The following ANKFN1 variants were observed in gnomAD, a reference collection of about 807,000 sequenced individuals.
ANKFN1 encodes the protein ankyrin repeat and fibronectin type III domain containing 1, also known as ankyrin repeat and fibronectin type-III domain-containing protein 1.
A neutral mutation model predicts 108.7 loss-of-function variants in ANKFN1; 74 were observed. The ratio of observed to expected loss-of-function variants is 0.68; its 90% CI spans 0.56 to 0.83. ANKFN1 has a LOEUF of 0.83. ANKFN1 is among the 40% of genes least tolerant of loss of function. The probability of loss-of-function intolerance (pLI) is 0.00; values close to 1 mark genes in which losing one functional copy is unlikely to be tolerated. For missense variants in ANKFN1, 1,505 were observed against 1,382.3 expected, an observed-to-expected ratio of 1.09 and a Z score of -1.41; for synonymous variants, 547 against 516.2, an observed-to-expected ratio of 1.06 and a Z score of -0.81.
intron 3 of ANKFN1, among the ~76,000 whole-genome samples, chr17:56,311,670 G>T (rs565867381): frequency 1.1e-4 from 17 of 152,128 alleles, no homozygotes; most frequent in Non-Finnish European, 2.4e-4. Context: ...GCCTTCTGTT[G>T]GTTCAGTGTA....
At chr17:56,392,636 T>C (rs1480933695) in intron 8 of ANKFN1, among the ~76,000 whole-genome samples, 1 of 152,150 alleles carries the variant, frequency 6.6e-6, no homozygotes, top group Admixed American at 6.5e-5. Context: ...CTCCTAATCT[T>C]CTCCAAATAT....
intron 4 of ANKFN1, among the ~76,000 whole-genome samples, chr17:56,123,890 C>T (rs1304731437): frequency 6.7e-6 from 1 of 149,476 alleles, no homozygotes; most frequent in Non-Finnish European, 1.5e-5. Context: ...TGCAAGTCTA[C>T]ATGAATTATG....
At chr17:56,480,610 C>T in intron 16 of ANKFN1, 58 bp from the exon 17 acceptor site, 1 of 1,569,476 alleles carries the variant, frequency 6.4e-7, no homozygotes. Context: ...TAAGAAAGTT[C>T]TGAGCTGTGT....
intron 8 of ANKFN1, among the ~76,000 whole-genome samples, chr17:56,380,692 C>A (rs181394986): frequency 1.3e-5 from 2 of 152,370 alleles, no homozygotes; most frequent in East Asian, 3.9e-4. Flanking sequence ...GCTAGCACAG[C>A]AGTCTGAGAT....
chr17:56,392,377 T>C lies in ANKFN1; in HGVS notation c.910+17663T>C, dbSNP rs76179239. Among the ~76,000 whole-genome samples the C allele has an allele frequency of 1.3e-3, 200 of 152,328 alleles. 2 individuals carry two copies. In the East Asian group the frequency reaches 0.021, roughly 16 times the overall value. On this transcript the variant is annotated intron_variant, in intron 8 of 20. Coordinates refer to ENST00000682825, the MANE Select transcript of ANKFN1 (RefSeq NM_001370326.1). The stretch of plus-strand genomic sequence containing the variant: ...GCCTAAGGAGGTATCCTGTTCACGA[T>C]GGCAAGCCAGTCATTTAGCCCCATC...
intron 4 of ANKFN1, among the ~76,000 whole-genome samples, chr17:56,105,729 G>GTGTGTA: frequency 6.6e-6 from 1 of 151,504 alleles, no homozygotes; most frequent in Non-Finnish European, 1.5e-5. Context: ...GTGTGTGTGT[G>GTGTGTA]TGTGTGTGTG....
chr17:56,216,588 C>T (rs1428171543), intron 2 of ANKFN1, among the ~76,000 whole-genome samples: 1 of 152,204 alleles, frequency 6.6e-6, no homozygotes, highest in Non-Finnish European at 1.5e-5. Flanking sequence ...AATCAAAGAC[C>T]TTTCTAAATG....
intron 3 of ANKFN1, among the ~76,000 whole-genome samples, chr17:56,286,245 T>C (rs2144276631): frequency 6.6e-6 from 1 of 152,338 alleles, no homozygotes; most frequent in African/African-American, 2.4e-5. Flanking sequence ...TCCTGGAGTC[T>C]ATCTGACCCT....
intron 8 of ANKFN1, among the ~76,000 whole-genome samples, chr17:56,380,387 T>C (rs1379590665): frequency 6.6e-6 from 1 of 152,204 alleles, no homozygotes; most frequent in East Asian, 1.9e-4. Flanking sequence ...TGCATTTCCA[T>C]CTGAGGTACC....
At chr17:56,383,662 C>G (rs1389169420) in intron 8 of ANKFN1, among the ~76,000 whole-genome samples, 1 of 152,178 alleles carries the variant, frequency 6.6e-6, no homozygotes, top group African/African-American at 2.4e-5. Flanking sequence ...CCACCGATCC[C>G]ACAGAAATAC....
intron 6 of ANKFN1, among the ~76,000 whole-genome samples, chr17:56,359,326 T>C (rs1291053667): frequency 6.6e-6 from 1 of 152,218 alleles, no homozygotes; most frequent in Non-Finnish European, 1.5e-5. Context: ...TTGTTAATAA[T>C]GCTGTTATTG....
At position 56,504,133 on chromosome 17, in the gene ANKFN1, C is replaced by T. The variant is rs2051474539; in HGVS notation, c.2644+5035C>T. Among the ~76,000 whole-genome samples the T allele has an allele frequency of 2.0e-5, 3 of 152,242 alleles. No homozygotes were observed. In the South Asian group the frequency reaches 6.2e-4, roughly 31 times the overall value. On this transcript the variant is annotated intron_variant, in intron 20 of 20. Coordinates refer to ENST00000682825, the MANE Select transcript of ANKFN1 (RefSeq NM_001370326.1). ...ATCCCACTCTAAGCAATAGGTTCCA[C>T]TAAGTCTTCTAATAAATAATACAAT...
chr17:56,218,387 A>G (rs1050529202), intron 2 of ANKFN1, among the ~76,000 whole-genome samples: 2 of 152,144 alleles, frequency 1.3e-5, no homozygotes, highest in Non-Finnish European at 2.9e-5. Context: ...GAAATTTTAA[A>G]TACATTTCTT....
At chr17:56,210,061 C>CATAGATACATAGATAG (rs1914859604) in intron 1 of ANKFN1, among the ~76,000 whole-genome samples, 1 of 148,002 alleles carries the variant, frequency 6.8e-6, no homozygotes, top group Admixed American at 6.8e-5. Context: ...TAGATAGATA[C>CATAGATACATAGATAG]ATAGATAGAT....
At chr17:56,167,441 T>C (rs1910259003) in intron 1 of ANKFN1, among the ~76,000 whole-genome samples, 1 of 151,834 alleles carries the variant, frequency 6.6e-6, no homozygotes, top group Non-Finnish European at 1.5e-5. Context: ...AATCCAATTG[T>C]ATGCCAAGGA....
rs140688402 is a variant in ANKFN1, at chr17:56,255,416, C to A, written c.53+27459C>A. Among the ~76,000 whole-genome samples, 285 of 152,228 alleles carry A rather than the reference C, an allele frequency of 1.9e-3. 3 individuals are homozygous for A. The highest frequency in any genetic ancestry group is 6.6e-3 in the African/African-American group (273 of 41,530). ...ATCCCCTAACCACAGAGGTTTGCCCCCACAAAAGACAATCATTACTCTCTT... is the reference window on the plus strand; with the variant it reads ...ATCCCCTAACCACAGAGGTTTGCCCACACAAAAGACAATCATTACTCTCTT... On this transcript the variant is annotated intron_variant, in intron 3 of 20. Coordinates refer to ENST00000682825, the MANE Select transcript of ANKFN1 (RefSeq NM_001370326.1).
intron 3 of ANKFN1, among the ~76,000 whole-genome samples, chr17:56,247,678 T>A (rs906934451): frequency 2.6e-5 from 4 of 152,170 alleles, no homozygotes; most frequent in African/African-American, 7.2e-5. Flanking sequence ...CACATGTAAC[T>A]AGAAAATGGA....
chr17:56,232,072 A>G (rs1004362301), intron 3 of ANKFN1, among the ~76,000 whole-genome samples: 10 of 152,122 alleles, frequency 6.6e-5, no homozygotes, highest in African/African-American at 2.4e-4. Context: ...GCAGCTCAGA[A>G]GAAGCTGACT....
At position 56,451,174 on chromosome 17, in the gene ANKFN1, G is replaced by C. The variant is rs1015709233; in HGVS notation, c.1207+1988G>C. Among the ~76,000 whole-genome samples the C allele has an allele frequency of 4.6e-5, 7 of 152,224 alleles. No individual in the cohort carries two copies. In the South Asian group the frequency reaches 1.2e-3, roughly 27 times the overall value. On this transcript the variant is annotated intron_variant, in intron 11 of 20. Transcript: ENST00000682825. Reference sequence around the variant, plus strand: ...ATGTTGAATTCTACATCTTCTCTTAGAAATTTAAAATATACTTTAGAATAT... The same window carrying C: ...ATGTTGAATTCTACATCTTCTCTTACAAATTTAAAATATACTTTAGAATAT...
Sources: gnomAD v4.1 joint callset for allele counts (sites outside exome capture counted in the v4.1 genomes callset) on GRCh38, gnomAD v4.1.1 for gene constraint, MANE v1.5 for transcripts, NCBI Gene and HGNC (gene_info 2026-07-23, HGNC 2026-07-21) for gene names.